Variants in CCSER1 observed in about 807,000 individuals in gnomAD.
The protein encoded by CCSER1 is coiled-coil serine rich protein 1.
In CCSER1, 41 loss-of-function variants were observed where a neutral mutation model predicts 82.0. That is an observed-to-expected ratio of 0.50 (90% CI 0.39 to 0.65). The LOEUF is 0.65. Ranked by LOEUF, CCSER1 falls within the 30% of genes least tolerant of loss-of-function variation. The pLI is 0.00. For missense variants in CCSER1, 1,119 were observed against 1,064.2 expected (o/e 1.05, Z -0.72); for synonymous variants, 414 against 383.9 (o/e 1.08, Z -0.92).
At chr4:90,605,175 C>G (rs567879981) in intron 5 of CCSER1, among the ~76,000 whole-genome samples, 1 of 152,216 alleles carries the variant, frequency 6.6e-6, no homozygotes, top group East Asian at 1.9e-4. Context: ...ACTCCCGATA[C>G]GTTGGAACAT....
intron 6 of CCSER1, among the ~76,000 whole-genome samples, chr4:90,682,502 A>G (rs74427005): frequency 0.03 from 4,506 of 152,116 alleles, 210 homozygotes; most frequent in African/African-American, 0.1. Context: ...TCAATAACAT[A>G]TTAACACAAA....
At chr4:90,255,007 A>ACACG (rs1224411449) in intron 1 of CCSER1, among the ~76,000 whole-genome samples, 3 of 150,648 alleles carry the variant, frequency 2.0e-5, no homozygotes, top group African/African-American at 7.4e-5. Flanking sequence ...ACACACACAC[A>ACACG]CACGCACACT....
chr4:91,411,526 A>ATACATGTAT (rs70965492), intron 10 of CCSER1, among the ~76,000 whole-genome samples: 1 of 129,648 alleles, frequency 7.7e-6, no homozygotes, highest in African/African-American at 3.1e-5. Context: ...ATATATATAT[A>ATACATGTAT]AAATCTTGAC....
At chr4:91,369,006 C>T (rs1355791112) in intron 10 of CCSER1, among the ~76,000 whole-genome samples, 1 of 152,184 alleles carries the variant, frequency 6.6e-6, no homozygotes, top group Non-Finnish European at 1.5e-5. Flanking sequence ...TTATTCCCAA[C>T]AGTCCTTATC....
chr4:90,281,736 A>G lies in CCSER1; in HGVS notation c.-41-26508A>G, dbSNP rs533748814. Among the ~76,000 whole-genome samples the G allele has an allele frequency of 6.6e-5, 10 of 152,190 alleles. No homozygotes were observed. The East Asian group carries it at 1.9e-3, about 29-fold the overall frequency. The stretch of plus-strand genomic sequence containing the variant: ...GGTGTTGGAAAGTCTGAAAACCGTA[A>G]TTAGTAACCAGTACTTTAAAAAGAT... On this transcript the variant is annotated intron_variant, in intron 1 of 10. Coordinates refer to ENST00000509176, the MANE Select transcript of CCSER1 (RefSeq NM_001145065.2).
At chr4:90,940,428 A>G (rs1253409531) in intron 9 of CCSER1, among the ~76,000 whole-genome samples, 1 of 151,976 alleles carries the variant, frequency 6.6e-6, no homozygotes, top group Non-Finnish European at 1.5e-5. Flanking sequence ...AAGGGGAAAT[A>G]TTTTCAGACT....
At chr4:90,892,057 T>G (rs1723037354) in intron 8 of CCSER1, among the ~76,000 whole-genome samples, 1 of 152,104 alleles carries the variant, frequency 6.6e-6, no homozygotes, top group Non-Finnish European at 1.5e-5. Context: ...TTAATGTGCA[T>G]CATCCAGCAA....
intron 10 of CCSER1, among the ~76,000 whole-genome samples, chr4:91,194,181 G>T (rs933254952): frequency 3.3e-5 from 5 of 152,104 alleles, no homozygotes; most frequent in African/African-American, 1.2e-4. Flanking sequence ...CATGGCTCAG[G>T]CTTGTCTCGA....
chr4:90,631,186 C>T (rs1724349667), intron 6 of CCSER1, among the ~76,000 whole-genome samples: 1 of 152,090 alleles, frequency 6.6e-6, no homozygotes, highest in African/African-American at 2.4e-5. Flanking sequence ...AGCCGCCGCA[C>T]CTGGCCAAGT....
intron 8 of CCSER1, among the ~76,000 whole-genome samples, chr4:90,897,549 T>G (rs1301857852): frequency 2.0e-5 from 3 of 152,088 alleles, no homozygotes; most frequent in African/African-American, 7.2e-5. Context: ...TGATAAACAC[T>G]AAGGTTGGTT....
chr4:90,562,190 C>CA (rs35279708), intron 5 of CCSER1, among the ~76,000 whole-genome samples: 7,508 of 56,534 alleles, frequency 0.13, 770 homozygotes, highest in African/African-American at 0.29. Context: ...AACTCCATCT[C>CA]AAAAAAAAAA....
intron 6 of CCSER1, among the ~76,000 whole-genome samples, chr4:90,711,815 C>T (rs1039148204): frequency 1.5e-4 from 23 of 151,458 alleles, no homozygotes; most frequent in African/African-American, 5.3e-4. Flanking sequence ...GTATCTCTGC[C>T]AGGTTTGGGG....
intron 10 of CCSER1, among the ~76,000 whole-genome samples, chr4:91,105,032 C>A (rs1204130837): frequency 1.3e-5 from 2 of 152,132 alleles, no homozygotes; most frequent in Non-Finnish European, 2.9e-5. Flanking sequence ...TAAGTAATTT[C>A]TCATCATCCA....
intron 1 of CCSER1, among the ~76,000 whole-genome samples, chr4:90,222,560 C>G (rs1164023145): frequency 6.6e-6 from 1 of 152,158 alleles, no homozygotes; most frequent in Non-Finnish European, 1.5e-5. Flanking sequence ...AGGAACAGAT[C>G]ACACAATTTA....
chr4:91,554,678 T>C (rs1762322349), intron 10 of CCSER1, among the ~76,000 whole-genome samples: 1 of 151,168 alleles, frequency 6.6e-6, no homozygotes. Flanking sequence ...ATGGTATTTT[T>C]TATTAAAATG....
intron 8 of CCSER1, among the ~76,000 whole-genome samples, chr4:90,818,810 A>T (rs1759368615): frequency 6.6e-6 from 1 of 152,200 alleles, no homozygotes; most frequent in African/African-American, 2.4e-5. Context: ...CAGGGATATT[A>T]GATTAAATGT....
At chr4:90,443,195 T>C (rs565576330) in intron 4 of CCSER1, among the ~76,000 whole-genome samples, 31 of 152,292 alleles carry the variant, frequency 2.0e-4, no homozygotes, top group African/African-American at 7.5e-4. Context: ...GCATATGATT[T>C]TTTTTGTTTC....
At chr4:91,597,088 GTGA>G (rs1336214531) in intron 10 of CCSER1, among the ~76,000 whole-genome samples, 1 of 151,974 alleles carries the variant, frequency 6.6e-6, no homozygotes, top group African/African-American at 2.4e-5. Flanking sequence ...TTAGAAAAAT[GTGA>G]TGAAGTTTTG....
chr4:91,390,859 C>T (rs1381583014), intron 10 of CCSER1, among the ~76,000 whole-genome samples: 1 of 152,042 alleles, frequency 6.6e-6, no homozygotes, highest in African/African-American at 2.4e-5. Flanking sequence ...TTATCAAATA[C>T]ATGGGCCTAG....
Sources: allele counts gnomAD v4.1 joint callset (sites outside exome capture counted in the v4.1 genomes callset), GRCh38; gene constraint gnomAD v4.1.1; transcripts MANE v1.5; gene names NCBI Gene and HGNC (gene_info 2026-07-23, HGNC 2026-07-21).